Variants in PSMB2 observed in about 807,000 individuals in gnomAD.
PSMB2 encodes the protein proteasome subunit beta type-2.
A neutral mutation model predicts 25.7 loss-of-function variants in PSMB2; 13 were observed. That is an observed-to-expected ratio of 0.51 (90% CI 0.33 to 0.80). The LOEUF is 0.80. PSMB2 is among the 30% of genes least tolerant of loss of function. The pLI, the probability that PSMB2 is intolerant of heterozygous loss-of-function variation, is 0.02. For synonymous variants in PSMB2, 87 were observed against 96.2 expected (o/e 0.90, Z 0.56); for missense variants, 202 against 259.0 (o/e 0.78, Z 1.51).
intron 3 of PSMB2, among the ~76,000 whole-genome samples, chr1:35,610,902 TC>T (rs1650310204): frequency 6.6e-6 from 1 of 152,250 alleles, no homozygotes; most frequent in South Asian, 2.1e-4. Flanking sequence ...AGGTATCCTT[TC>T]TTTGTATTAC....
chr1:35,610,191 C>G (rs528592773), intron 3 of PSMB2, among the ~76,000 whole-genome samples: 3 of 152,194 alleles, frequency 2.0e-5, no homozygotes, highest in African/African-American at 7.2e-5. Context: ...ATAATCTCAG[C>G]ACTTTGGGAA....
Position 35,599,922 on chromosome 1 carries a change from C to G in PSMB2, c.*3345G>C. 1.1e-6 allele frequency: 1 copy of G among 886,100 alleles called. No individual in the cohort carries two copies. Among genetic ancestry groups the G allele is most frequent in the Non-Finnish European group, 1.4e-6 (1 of 739,452 alleles). 54.9% of individuals were successfully genotyped at this position (886,100 alleles called of 1,614,324 possible). ...CCAAGGTGGGAGGATCACTTGAGGC[C>G]AAGAGTTCGAGACCAGCCTAGGCAA... On this transcript the variant is annotated 3_prime_UTR_variant, in exon 6 of 6. Transcript: ENST00000373237.
chr1:35,619,971 T>C lies in PSMB2; in HGVS notation c.286-10563A>G, dbSNP rs190737286. On this transcript the variant is annotated intron_variant, in intron 3 of 5. Coordinates refer to ENST00000373237, the MANE Select transcript of PSMB2 (RefSeq NM_002794.5). ...GGACACTTGAATTCTTTTTTTTTCA[T>C]GAGCTGGCAGATTCTAGGAAAATTT... Among the ~76,000 whole-genome samples the C allele has an allele frequency of 6.6e-3, 1,006 of 152,320 alleles. 9 individuals are homozygous for C. Among genetic ancestry groups the C allele is most frequent in the African/African-American group, 0.023 (950 of 41,572 alleles).
intron 4 of PSMB2, among the ~76,000 whole-genome samples, chr1:35,606,031 T>C (rs1362568359): frequency 6.6e-6 from 1 of 152,090 alleles, no homozygotes; most frequent in Non-Finnish European, 1.5e-5. Context: ...ATACTGACAG[T>C]GAAGAATGGA....
Position 35,600,885 on chromosome 1 carries a change from T to C in PSMB2, c.*2382A>G. The C allele has an allele frequency of 1.0e-6, 1 of 985,070 alleles. No homozygotes were observed. The highest frequency in any genetic ancestry group is 1.2e-6 in the Non-Finnish European group (1 of 829,652). 61.0% of individuals were successfully genotyped at this position (985,070 alleles called of 1,614,324 possible). On this transcript the variant is annotated 3_prime_UTR_variant, in exon 6 of 6. Transcript: ENST00000373237. ...ATACACTTACTGAGCACTTACCACA[T>C]GCCAAGCCCTGAACTAAATGTTTAC... is the stretch of plus-strand genomic sequence containing the variant.
At chr1:35,631,217 A>C in intron 3 of PSMB2, 57 bp downstream of exon 3, 1 of 1,555,312 alleles carries the variant, frequency 6.4e-7, no homozygotes, top group Non-Finnish European at 8.9e-7. Context: ...ATGAGAATAT[A>C]AAAGAAGCAC....
Position 35,600,327 on chromosome 1 carries a change from T to A in PSMB2, c.*2940A>T, listed in dbSNP as rs187291133. On this transcript the variant is annotated 3_prime_UTR_variant, in exon 6 of 6. Coordinates refer to ENST00000373237, the MANE Select transcript of PSMB2 (RefSeq NM_002794.5). ...AAAATTAGTGGAAAAACTGGTAAAA[T>A]CTGAATAAAGCCTGGAGCTTAGTAA... 1 of 921,110 alleles carries A rather than the reference T, an allele frequency of 1.1e-6. No homozygotes were observed. The highest frequency in any genetic ancestry group is 6.2e-5 in the Admixed American group (1 of 16,182). 57.1% of individuals were successfully genotyped at this position (921,110 alleles called of 1,614,324 possible).
intron 3 of PSMB2, 151 bp from the exon 4 acceptor site, chr1:35,609,559 T>C: frequency 1.3e-6 from 1 of 760,332 alleles, no homozygotes; most frequent in Non-Finnish European, 1.9e-6. Flanking sequence ...TAGGGAAATC[T>C]AGAGGACCTG....
chr1:35,609,518 A>T, intron 3 of PSMB2, 110 bp from the exon 4 acceptor site: 1 of 1,015,946 alleles, frequency 9.8e-7, no homozygotes, highest in Non-Finnish European at 1.4e-6. Context: ...TATTAGCAGC[A>T]ACTGAGTAAA....
At position 35,600,040 on chromosome 1, in the gene PSMB2, G is replaced by A. The variant is rs1402293492; in HGVS notation, c.*3227C>T. The A allele has an allele frequency of 1.6e-6, 1 of 629,250 alleles. No individual in the cohort carries two copies. Among genetic ancestry groups the A allele is most frequent in the African/African-American group, 2.0e-5 (1 of 50,042 alleles). 39.0% of individuals were successfully genotyped at this position (629,250 alleles called of 1,614,324 possible). On this transcript the variant is annotated 3_prime_UTR_variant, in exon 6 of 6. Coordinates refer to ENST00000373237, the MANE Select transcript of PSMB2 (RefSeq NM_002794.5). ...AGTCCCAGCTAGTTGGGAGGCTGGGGTAAGAGGTTCACTTGAGCCCAGGAG... is the reference window on the plus strand; with the variant it reads ...AGTCCCAGCTAGTTGGGAGGCTGGGATAAGAGGTTCACTTGAGCCCAGGAG...
chr1:35,619,372 T>C (rs1650607882), intron 3 of PSMB2, among the ~76,000 whole-genome samples: 1 of 152,252 alleles, frequency 6.6e-6, no homozygotes, highest in African/African-American at 2.4e-5. Context: ...AAGATAGGCA[T>C]GTACTTCTGT....
rs1165080322 is a variant in PSMB2 at position 35,602,118 on chromosome 1, C to T, written c.*1149G>A. ...AGCCAAGGCAGGCAGACTGCTTGAG[C>T]CCAGGAGTTCAAGACCAACCTGAAT... is the stretch of plus-strand genomic sequence containing the variant. On this transcript the variant is annotated 3_prime_UTR_variant, in exon 6 of 6. Coordinates refer to ENST00000373237, the MANE Select transcript of PSMB2 (RefSeq NM_002794.5). 4.9e-6 allele frequency: 1 copy of T among 206,096 alleles called. No homozygotes were observed. Among genetic ancestry groups the T allele is most frequent in the Non-Finnish European group, 8.5e-6 (1 of 117,444 alleles). The allele number at this position is 206,096 out of a possible 1,614,324, so 12.8% of individuals were successfully genotyped here.
intron 1 of PSMB2, among the ~76,000 whole-genome samples, chr1:35,637,687 T>C (rs1651284021): frequency 6.6e-6 from 1 of 152,224 alleles, no homozygotes; most frequent in African/African-American, 2.4e-5. Context: ...TTCAGAGTTG[T>C]AGATACCAGT....
chr1:35,640,851 G>A (rs1289702172), intron 1 of PSMB2, among the ~76,000 whole-genome samples: 2 of 152,140 alleles, frequency 1.3e-5, no homozygotes, highest in African/African-American at 4.8e-5. Flanking sequence ...GAAGCATTTA[G>A]CGAAGGCCAG....
chr1:35,605,462 C>G (rs1288430792), intron 4 of PSMB2, among the ~76,000 whole-genome samples, 180 bp from the exon 5 acceptor site: 2 of 152,228 alleles, frequency 1.3e-5, no homozygotes, highest in South Asian at 2.1e-4. Flanking sequence ...GCTGGGGGGG[C>G]CCCAGACCCA....
intron 3 of PSMB2, among the ~76,000 whole-genome samples, chr1:35,620,311 C>T (rs1650640944): frequency 6.6e-6 from 1 of 152,142 alleles, no homozygotes; most frequent in Non-Finnish European, 1.5e-5. Flanking sequence ...CCCATTAGCA[C>T]CCCAGATCCA....
rs12023308 is a variant in PSMB2, at chr1:35,628,522, C to T, written c.285+2752G>A. 4.3e-5 allele frequency among the ~76,000 whole-genome samples: 6 copies of T among 138,374 alleles called. No individual in the cohort carries two copies. In the East Asian group the frequency reaches 6.6e-4, roughly 15 times the overall value. The allele number at this position is 138,374 out of a possible 152,430, so 90.8% of individuals were successfully genotyped here. A position where few individuals can be genotyped will look rare whatever the true frequency, so the allele number is the denominator to read the frequency against. On this transcript the variant is annotated intron_variant, in intron 3 of 5. Transcript: ENST00000373237. The stretch of plus-strand genomic sequence containing the variant: ...GAAAAACTAATATCTGACCCATTTT[C>T]CTTTCTCAAGGAGGAGTGAAGAAAA...
chr1:35,607,561 T>C (rs536556640), intron 4 of PSMB2, among the ~76,000 whole-genome samples: 15 of 152,152 alleles, frequency 9.9e-5, no homozygotes, highest in Non-Finnish European at 2.2e-4. Context: ...AAGGAAATTC[T>C]TTATACACTG....
intron 3 of PSMB2, among the ~76,000 whole-genome samples, chr1:35,613,397 G>A (rs1307133143): frequency 6.6e-6 from 1 of 151,832 alleles, no homozygotes; most frequent in East Asian, 1.9e-4. Flanking sequence ...AAAAAATCTA[G>A]GTTAGGGGGC....
Sources: gnomAD v4.1 joint callset for allele counts (sites outside exome capture counted in the v4.1 genomes callset) on GRCh38, gnomAD v4.1.1 for gene constraint, MANE v1.5 for transcripts, NCBI Gene and HGNC (gene_info 2026-07-23, HGNC 2026-07-21) for gene names.